Variants in PDZD2 observed in about 807,000 individuals in gnomAD.
PDZD2 encodes PDZ domain containing 2, also known as PDZ domain-containing protein 2.
PDZD2 carries 90 observed loss-of-function variants against 220.7 expected under a neutral mutation model. The observed-to-expected ratio is 0.41, with a 90% CI of 0.34 to 0.49. The LOEUF (loss-of-function observed/expected upper bound fraction) is 0.49, where lower values mean the gene tolerates loss of function less well. PDZD2 is among the 20% of genes least tolerant of loss of function. The pLI is 0.28. For synonymous variants in PDZD2, 1,375 were observed against 1,450.5 expected, an observed-to-expected ratio of 0.95 and a Z score of 1.18; for missense variants, 3,174 against 3,608.5, an observed-to-expected ratio of 0.88 and a Z score of 3.08.
intron 2 of PDZD2, chr5:31,841,042 A>T (rs1432748532): frequency 8.8e-5 from 26 of 295,330 alleles, no homozygotes; most frequent in Non-Finnish European, 2.5e-5. Flanking sequence ...TTTACGTTTT[A>T]AAGTATGTTA....
In PDZD2 at chr5:32,087,192, C is replaced by A. The variant is rs1206174925; in HGVS notation, c.3744C>A (p.Asp1248Glu). ...GGAAGAAGGGGGCCGCTCATCCTGACCCCAGCAAGACCTCTGTAGACACAG... is the reference window on the plus strand; with the variant it reads ...GGAAGAAGGGGGCCGCTCATCCTGAACCCAGCAAGACCTCTGTAGACACAG... ...SPGKKGAAHP[D>E]PSKTSVDTGQ... is the part of the protein sequence containing the mutation. The change falls in exon 20 of 25, where the codon GAC (aspartate) becomes GAA (glutamate). Residue 1248 changes from aspartate to glutamate, a missense_variant. Coordinates refer to ENST00000438447, the MANE Select transcript of PDZD2 (RefSeq NM_178140.4). This position sits in a 1 kb window ranked among gnomAD's most constrained non-coding sequence, Gnocchi z 4.0. 4 of 1,613,808 alleles carry A rather than the reference C, an allele frequency of 2.5e-6. No homozygotes were observed. The highest frequency in any genetic ancestry group is 3.3e-5 in the Admixed American group (2 of 59,998).
intron 2 of PDZD2, among the ~76,000 whole-genome samples, chr5:31,865,145 C>G (rs1738097969): frequency 6.6e-6 from 1 of 152,034 alleles, no homozygotes; most frequent in South Asian, 2.1e-4. Flanking sequence ...TCGCGCCCAG[C>G]TGAGATTTGT....
rs869189606 is a variant in PDZD2, at chr5:31,891,127, CTTTTTTTT to C, written c.476+91423_476+91430del. Among the ~76,000 whole-genome samples, 87 of 96,432 alleles carry C rather than the reference CTTTTTTTT, an allele frequency of 9.0e-4. 4 individuals carry two copies. The highest frequency in any genetic ancestry group is 3.1e-3 in the African/African-American group (70 of 22,496). The allele number at this position is 96,432 out of a possible 152,430, so 63.3% of individuals were successfully genotyped here. A position where few individuals can be genotyped will look rare whatever the true frequency, so the allele number is the denominator to read the frequency against. ...TGTAAGCAAAGCTCAGGGGTTTTTCCTTTTTTTTTTTTTTTTTTTTTTTTTTTGAGACG... is the reference window on the plus strand; with the variant it reads ...TGTAAGCAAAGCTCAGGGGTTTTTCCTTTTTTTTTTTTTTTTTTTGAGACG... On this transcript the variant is annotated intron_variant, in intron 2 of 24. Coordinates refer to ENST00000438447, the MANE Select transcript of PDZD2 (RefSeq NM_178140.4).
At chr5:32,002,910 ACACACACAC>A (rs1561314223) in intron 5 of PDZD2, among the ~76,000 whole-genome samples, 1 of 109,242 alleles carries the variant, frequency 9.2e-6, no homozygotes, top group Non-Finnish European at 1.9e-5. Flanking sequence ...CACCCCCACC[ACACACACAC>A]CACACACACC....
chr5:32,070,205 G>T (rs1740619712), intron 15 of PDZD2, among the ~76,000 whole-genome samples: 1 of 152,146 alleles, frequency 6.6e-6, no homozygotes. Flanking sequence ...AGCCTAAAGG[G>T]ACTCTTCACA....
At chr5:31,675,553 C>T (rs2150120389) in intron 1 of PDZD2, among the ~76,000 whole-genome samples, 1 of 152,296 alleles carries the variant, frequency 6.6e-6, no homozygotes, top group South Asian at 2.1e-4. Flanking sequence ...AGAAAAAATG[C>T]TCCAAGAAAG....
intron 1 of PDZD2, among the ~76,000 whole-genome samples, chr5:31,753,961 G>A (rs1580691086): frequency 6.6e-6 from 1 of 152,176 alleles, no homozygotes; most frequent in African/African-American, 2.4e-5. Flanking sequence ...GCTTCCCTCT[G>A]AGTAAGAACC....
chr5:32,016,954 A>G (rs936499968), intron 6 of PDZD2, among the ~76,000 whole-genome samples: 8 of 152,166 alleles, frequency 5.3e-5, no homozygotes, highest in African/African-American at 1.9e-4. Flanking sequence ...GGCCCCTGTC[A>G]GGTTTGCTCA....
In PDZD2 at chr5:32,087,406, G is replaced by A; in HGVS notation, c.3958G>A (p.Val1320Met). 1 of 1,614,168 alleles carries A rather than the reference G, an allele frequency of 6.2e-7. No individual in the cohort carries two copies. The highest frequency in any genetic ancestry group is 1.7e-5 in the Admixed American group (1 of 60,028). Residue 1320 changes from valine (V) to methionine (M), a missense_variant, in exon 20 of 25, where the codon GTG (valine) becomes ATG (methionine). Val to Met is a conservative substitution (Grantham distance 21). Transcript: ENST00000438447. The surrounding 1 kb of genome is among the most constrained non-coding windows in gnomAD (Gnocchi z 4.0). ...CAGCACACCCCACAATACCAGGAGG[G>A]TGGCTGCCCTCAGGGGAGCGGGACC... ...ETSTPHNTRR[V>M]AALRGAGPGA...
chr5:31,983,583 C>A lies in PDZD2; in HGVS notation c.905C>A (p.Thr302Asn). The A allele has an allele frequency of 6.2e-7, 1 of 1,614,104 alleles. No individual in the cohort carries two copies. Among genetic ancestry groups the A allele is most frequent in the Non-Finnish European group, 8.5e-7 (1 of 1,179,962 alleles). ...HRIPKTDAPL[T>N]TSNDKRRFSK... is the part of the protein sequence containing the mutation. Reference sequence around the variant, plus strand: ...ATTCCAAAGACAGATGCTCCTCTGACCACAAGCAATGACAAACGCCGCTTC... The same window carrying A: ...ATTCCAAAGACAGATGCTCCTCTGAACACAAGCAATGACAAACGCCGCTTC... The change falls in exon 3 of 25, where the codon ACC (threonine) becomes AAC (asparagine). Residue 302 changes from threonine (T) to asparagine (N), a missense_variant. This residue lies in a region of PDZD2 where 632 missense variants were observed against 708.1 expected (regional missense o/e 0.89). Transcript: ENST00000438447.
chr5:31,882,864 G>T (rs759269340), intron 2 of PDZD2, among the ~76,000 whole-genome samples: 1 of 151,644 alleles, frequency 6.6e-6, no homozygotes, highest in African/African-American at 2.4e-5. Flanking sequence ...GCCAGTCTCC[G>T]CTAAAAATAA....
In PDZD2 at chr5:31,759,827, G is replaced by A. The variant is rs942471994; in HGVS notation, c.-360-39062G>A. ...CCCAAAGCGTTGGGATTACAGGCAT[G>A]AGCCACTGCGCCTGGCCTCAGAACT... On this transcript the variant is annotated intron_variant, in intron 1 of 24. Coordinates refer to ENST00000438447, the MANE Select transcript of PDZD2 (RefSeq NM_178140.4). Among the ~76,000 whole-genome samples, 6 of 152,156 alleles carry A rather than the reference G, an allele frequency of 3.9e-5. No homozygotes were observed. The East Asian group carries it at 9.6e-4, about 24-fold the overall frequency.
In PDZD2 at chr5:31,642,977, C is replaced by T. The variant is rs113443738; in HGVS notation, c.-361+3540C>T. On this transcript the variant is annotated intron_variant, in intron 1 of 24. Coordinates refer to ENST00000438447, the MANE Select transcript of PDZD2 (RefSeq NM_178140.4). ...GGGGTCAGAGGCTTTGGCTGGAATCCTAGCAGTGCAGAGAACTTCCTGCTG... is the reference window on the plus strand; with the variant it reads ...GGGGTCAGAGGCTTTGGCTGGAATCTTAGCAGTGCAGAGAACTTCCTGCTG... Among the ~76,000 whole-genome samples the T allele has an allele frequency of 6.8e-3, 1,042 of 152,240 alleles. 10 individuals are homozygous for T. Among genetic ancestry groups the T allele is most frequent in the African/African-American group, 0.024 (990 of 41,530 alleles).
At chr5:31,926,451 G>A (rs937896999) in intron 2 of PDZD2, among the ~76,000 whole-genome samples, 13 of 144,222 alleles carry the variant, frequency 9.0e-5, no homozygotes, top group East Asian at 2.2e-4. Flanking sequence ...GCTTGGACCC[G>A]GGAGGCAGGG....
At chr5:31,654,396 G>C (rs543892636) in intron 1 of PDZD2, among the ~76,000 whole-genome samples, 22 of 152,128 alleles carry the variant, frequency 1.4e-4, no homozygotes, top group Admixed American at 9.8e-4. Flanking sequence ...AATAATGCTG[G>C]AGGGCCCAGG....
At chr5:32,050,826 TAAAC>T (rs1179583589) in intron 8 of PDZD2, among the ~76,000 whole-genome samples, 2 of 152,036 alleles carry the variant, frequency 1.3e-5, no homozygotes, top group Non-Finnish European at 2.9e-5. Context: ...CTGTCTTAAA[TAAAC>T]AAATAAAATA....
At chr5:31,821,529 C>T (rs1302166496) in intron 2 of PDZD2, among the ~76,000 whole-genome samples, 1 of 151,988 alleles carries the variant, frequency 6.6e-6, no homozygotes, top group Non-Finnish European at 1.5e-5. Context: ...TACAGGCGTG[C>T]ACCACCACAC....
intron 1 of PDZD2, among the ~76,000 whole-genome samples, chr5:31,766,278 G>A (rs935545638): frequency 6.6e-6 from 1 of 152,094 alleles, no homozygotes; most frequent in African/African-American, 2.4e-5. Context: ...TTATAGTATT[G>A]TTTTCTACAG....
chr5:31,855,428 C>T (rs779723814), intron 2 of PDZD2, among the ~76,000 whole-genome samples: 18 of 152,144 alleles, frequency 1.2e-4, no homozygotes, highest in Non-Finnish European at 2.2e-4. Flanking sequence ...AATGGCTGGA[C>T]GGAAGGAGGC....
Sources: allele counts gnomAD v4.1 joint callset (sites outside exome capture counted in the v4.1 genomes callset), GRCh38; gene constraint gnomAD v4.1.1; regional missense constraint gnomAD v4.1.1; non-coding constraint Gnocchi (gnomAD v3.1); transcripts MANE v1.5; gene names NCBI Gene and HGNC (gene_info 2026-07-23, HGNC 2026-07-21).